Variants in SEPHS1 observed in about 807,000 individuals in gnomAD.
The protein encoded by SEPHS1 is zincore component SEPHS1.
Under a neutral mutation model 39.2 loss-of-function variants are expected in SEPHS1, and 7 were observed. The ratio of observed to expected loss-of-function variants is 0.18; its 90% CI spans 0.10 to 0.34. SEPHS1 has a LOEUF of 0.34. SEPHS1 is among the 10% of genes least tolerant of loss of function. SEPHS1 has a pLI of 1.00. For synonymous variants in SEPHS1, 190 were observed against 195.5 expected (o/e 0.97, Z 0.23); for missense variants, 253 against 514.5 (o/e 0.49, Z 4.92).
At chr10:13,335,981 A>C (rs1003519393) in intron 4 of SEPHS1, among the ~76,000 whole-genome samples, 1 of 47,970 alleles carries the variant, frequency 2.1e-5, no homozygotes, top group Non-Finnish European at 6.5e-5. Flanking sequence ...CTCCTGTCTC[A>C]AAAAAAAAAA....
At chr10:13,325,953 A>ATAATAAT (rs1222340270) in intron 7 of SEPHS1, among the ~76,000 whole-genome samples, 57 of 112,268 alleles carry the variant, frequency 5.1e-4, no homozygotes, top group African/African-American at 2.1e-3. Context: ...TCTCAAAAAA[A>ATAATAAT]AAAAAAAAAA....
chr10:13,324,607 T>C (rs1368736112), intron 7 of SEPHS1, among the ~76,000 whole-genome samples: 1 of 152,228 alleles, frequency 6.6e-6, no homozygotes, highest in Non-Finnish European at 1.5e-5. Flanking sequence ...GTTGGTATTA[T>C]CAGTGTTTTT....
Position 13,348,188 on chromosome 10 carries a change from TGCG to T in SEPHS1, c.-270_-268del, listed in dbSNP as rs1440056551. On this transcript the variant is annotated 5_prime_UTR_variant, in exon 1 of 9. Transcript: ENST00000327347. ...GGGCTCGCCTGCCTCGGCGCGGCCC[TGCG>T]GGAGCCGGGCCGCCGCGCTCCCGCC... The T allele has an allele frequency of 7.0e-6, 1 of 142,954 alleles. No individual in the cohort carries two copies. Among genetic ancestry groups the T allele is most frequent in the Non-Finnish European group, 1.5e-5 (1 of 64,788 alleles). The allele number at this position is 142,954 out of a possible 1,614,324, so 8.9% of individuals were successfully genotyped here. A position where few individuals can be genotyped will look rare whatever the true frequency, so the allele number is the denominator to read the frequency against.
intron 5 of SEPHS1, among the ~76,000 whole-genome samples, chr10:13,330,389 C>T (rs1833427868): frequency 6.6e-6 from 1 of 152,146 alleles, no homozygotes; most frequent in African/African-American, 2.4e-5. Context: ...CTCAGACTGA[C>T]TGATGGTGAG....
At chr10:13,341,831 C>T (rs1349118001) in intron 2 of SEPHS1, among the ~76,000 whole-genome samples, 2 of 151,692 alleles carry the variant, frequency 1.3e-5, no homozygotes, top group East Asian at 1.9e-4. Context: ...TGGTGGTGCA[C>T]GTCTGTCATT....
Position 13,333,917 on chromosome 10 carries a change from C to T in SEPHS1, c.460G>A (p.Glu154Lys). 1 of 1,613,876 alleles carries T rather than the reference C, an allele frequency of 6.2e-7. No individual in the cohort carries two copies. Among genetic ancestry groups the T allele is most frequent in the Non-Finnish European group, 8.5e-7 (1 of 1,179,766 alleles). Residue 154 changes from glutamate to lysine, a missense_variant, in exon 5 of 9, where the codon GAA (glutamate) becomes AAA (lysine). By Grantham distance (56) the Glu-to-Lys change is moderately conservative. Coordinates refer to ENST00000327347, the MANE Select transcript of SEPHS1 (RefSeq NM_012247.5). ...IIQGFKDAAE[E>K]AGTSVTGGQT... is the part of the protein sequence containing the mutation. ...CCGCCTGTTACAGATGTTCCTGCTTCCTCAGCTGCGTCTTTAAAACCTTGG... is the reference window on the plus strand; with the variant it reads ...CCGCCTGTTACAGATGTTCCTGCTTTCTCAGCTGCGTCTTTAAAACCTTGG...
intron 2 of SEPHS1, among the ~76,000 whole-genome samples, chr10:13,344,370 C>A (rs1833871560): frequency 6.6e-6 from 1 of 152,160 alleles, no homozygotes; most frequent in Non-Finnish European, 1.5e-5. Context: ...AAAGTTTTTA[C>A]TGTAATAACA....
chr10:13,329,390 T>C (rs945929819), intron 6 of SEPHS1, among the ~76,000 whole-genome samples: 1 of 152,176 alleles, frequency 6.6e-6, no homozygotes, highest in African/African-American at 2.4e-5. Flanking sequence ...TATTTCTTAG[T>C]GATGTTTAAG....
At chr10:13,320,523 C>G (rs1170668902) in intron 8 of SEPHS1, among the ~76,000 whole-genome samples, 1 of 151,106 alleles carries the variant, frequency 6.6e-6, no homozygotes, top group Non-Finnish European at 1.5e-5. Context: ...TGAGGAAAAA[C>G]TGTAGTCTAC....
At chr10:13,319,931 T>G (rs904207451) in intron 8 of SEPHS1, among the ~76,000 whole-genome samples, 2 of 152,206 alleles carry the variant, frequency 1.3e-5, no homozygotes, top group Non-Finnish European at 2.9e-5. Context: ...CAATAACCCA[T>G]GTGGTAGCTA....
chr10:13,327,242 A>C (rs1415684240), intron 7 of SEPHS1, among the ~76,000 whole-genome samples: 1 of 22,752 alleles, frequency 4.4e-5, no homozygotes, highest in Non-Finnish European at 8.1e-5. Flanking sequence ...TTCTGTCTCA[A>C]AAAAAAAAAA....
At chr10:13,329,055 T>A (rs1287271425) in intron 6 of SEPHS1, among the ~76,000 whole-genome samples, 1 of 152,254 alleles carries the variant, frequency 6.6e-6, no homozygotes, top group Non-Finnish European at 1.5e-5. Flanking sequence ...AGATGATAGT[T>A]GTAGAAATTA....
At position 13,348,231 on chromosome 10, in the gene SEPHS1, G is replaced by T. The variant is rs1287844196; in HGVS notation, c.-310C>A. 6.8e-6 allele frequency: 1 copy of T among 147,644 alleles called. No individual in the cohort carries two copies. Among genetic ancestry groups the T allele is most frequent in the African/African-American group, 2.5e-5 (1 of 40,722 alleles). The allele number at this position is 147,644 out of a possible 1,614,324, so 9.1% of individuals were successfully genotyped here. The stretch of plus-strand genomic sequence containing the variant: ...GCGCTCCCGCCGGCTGGGCGCGCGG[G>T]GGTCCTTTAAGGCCGGCCACCTCCC... On this transcript the variant is annotated 5_prime_UTR_variant, in exon 1 of 9. Coordinates refer to ENST00000327347, the MANE Select transcript of SEPHS1 (RefSeq NM_012247.5).
intron 8 of SEPHS1, chr10:13,322,143 CTTTTTTT>C (rs56709546): frequency 6.6e-6 from 2 of 302,232 alleles, no homozygotes; most frequent in African/African-American, 5.0e-5. Context: ...ATTCTCTTTT[CTTTTTTT>C]TTTTTTTTTA....
At chr10:13,321,841 G>C (rs1217185443) in intron 8 of SEPHS1, among the ~76,000 whole-genome samples, 4 of 152,148 alleles carry the variant, frequency 2.6e-5, no homozygotes, top group African/African-American at 9.7e-5. Flanking sequence ...ATGAAGAGGA[G>C]GACGTCCCAC....
chr10:13,336,148 T>C lies in SEPHS1; in HGVS notation c.405+95A>G, dbSNP rs972122209. On this transcript the variant is annotated intron_variant, in intron 4 of 8. Coordinates refer to ENST00000327347, the MANE Select transcript of SEPHS1 (RefSeq NM_012247.5). ...GTGCAGGGAGCCATATGGCCTGGGC[T>C]CCTCGCTTTCTAGATGGGAAACCAA... 1.0e-5 allele frequency: 8 copies of C among 786,492 alleles called. No homozygotes were observed. The Admixed American group carries it at 1.8e-4, about 17-fold the overall frequency. The allele number at this position is 786,492 out of a possible 1,614,324, so 48.7% of individuals were successfully genotyped here. A position where few individuals can be genotyped will look rare whatever the true frequency, so the allele number is the denominator to read the frequency against.
At chr10:13,320,328 C>A (rs977625672) in intron 8 of SEPHS1, among the ~76,000 whole-genome samples, 1 of 151,810 alleles carries the variant, frequency 6.6e-6, no homozygotes, top group Non-Finnish European at 1.5e-5. Context: ...ACTACAGGCG[C>A]CCGCCACCAC....
intron 3 of SEPHS1, 52 bp from the exon 4 acceptor site, chr10:13,336,402 A>T: frequency 7.4e-7 from 1 of 1,353,118 alleles, no homozygotes; most frequent in Non-Finnish European, 1.1e-6. Context: ...TTCCATCTGC[A>T]GAAACTGAGT....
chr10:13,336,334 G>A lies in SEPHS1; in HGVS notation c.314C>T (p.Ala105Val), dbSNP rs542605530. ...TGCATAGAGGTCACTGAGGACATTG[G>A]CACACGCTATCCTGCCCTGGGAAGA... ...DPYMMGRIAC[A>V]NVLSDLYAMG... Residue 105 changes from alanine (A) to valine (V), a missense_variant, in exon 4 of 9, where the codon GCC becomes GTC. Ala to Val is a moderately conservative substitution (Grantham distance 64, BLOSUM62 0). Transcript: ENST00000327347. 1 of 1,613,206 alleles carries A rather than the reference G, an allele frequency of 6.2e-7. No individual in the cohort carries two copies. Among genetic ancestry groups the A allele is most frequent in the Non-Finnish European group, 8.5e-7 (1 of 1,179,198 alleles).
Sources: allele counts gnomAD v4.1 joint callset (sites outside exome capture counted in the v4.1 genomes callset), GRCh38; gene constraint gnomAD v4.1.1; transcripts MANE v1.5; gene names NCBI Gene and HGNC (gene_info 2026-07-23, HGNC 2026-07-21).